Variants in HERC4 observed in about 807,000 individuals in gnomAD.
HERC4 encodes HECT and RLD domain containing E3 ubiquitin protein ligase 4, also known as probable E3 ubiquitin-protein ligase HERC4.
HERC4 carries 28 observed loss-of-function variants against 124.3 expected under a neutral mutation model. The ratio of observed to expected loss-of-function variants is 0.23; its 90% confidence interval spans 0.17 to 0.31. HERC4 has a LOEUF of 0.31. HERC4 is among the 10% of genes least tolerant of loss of function. The pLI is 1.00. For synonymous variants in HERC4, 407 were observed against 421.5 expected (o/e 0.97, Z 0.42); for missense variants, 713 against 1,229.3 (o/e 0.58, Z 6.28).
At chr10:68,044,694 G>A in intron 3 of HERC4, 131 bp from the exon 4 acceptor site, 1 of 760,232 alleles carries the variant, frequency 1.3e-6, no homozygotes, top group Non-Finnish European at 2.1e-6. Flanking sequence ...CTAAAGAAAT[G>A]CTTAAACACA....
At chr10:68,044,148 A>G (rs2039906307) in intron 4 of HERC4, among the ~76,000 whole-genome samples, 1 of 152,098 alleles carries the variant, frequency 6.6e-6, no homozygotes, top group African/African-American at 2.4e-5. Flanking sequence ...TTTGTAATGA[A>G]GCAAGTATTC....
chr10:67,991,529 T>G (rs2036552419), intron 11 of HERC4, among the ~76,000 whole-genome samples: 1 of 152,200 alleles, frequency 6.6e-6, no homozygotes, highest in Non-Finnish European at 1.5e-5. Context: ...TTTAAACATT[T>G]TATATTGGCA....
At position 68,034,062 on chromosome 10, in the gene HERC4, T is replaced by G. The variant is rs35224629; in HGVS notation, c.588A>C (p.Ala196=). ...SLLGIPFMQV[A]AGGAHSFVLT... is the part of the protein sequence containing the mutation. Reference sequence around the variant, plus strand: ...GTACAAAACTATGGGCTCCTCCTGCTGCAACTTGCATGAAAGGGATTCCAA... The same window carrying G: ...GTACAAAACTATGGGCTCCTCCTGCGGCAACTTGCATGAAAGGGATTCCAA... The change falls in exon 6 of 25, where the codon GCA becomes GCC. Residue 196 remains alanine, a synonymous_variant. Transcript: ENST00000373700. 2.5e-3 allele frequency: 4,075 copies of G among 1,614,164 alleles called. 61 individuals carry two copies. The Middle Eastern group carries it at 0.028, about 11-fold the overall frequency.
intron 9 of HERC4, chr10:68,010,764 C>A: frequency 6.7e-7 from 1 of 1,492,518 alleles, no homozygotes; most frequent in Non-Finnish European, 9.2e-7. Flanking sequence ...CCAAATAGAA[C>A]CCCCAGGGTA....
intron 15 of HERC4, among the ~76,000 whole-genome samples, chr10:67,968,846 T>C (rs888395197): frequency 2.6e-5 from 4 of 151,952 alleles, no homozygotes; most frequent in African/African-American, 9.7e-5. Flanking sequence ...TATTTGGAGA[T>C]TTTTAACACT....
chr10:68,070,417 G>A, intron 3 of HERC4: 1 of 248,198 alleles, frequency 4.0e-6, no homozygotes, highest in Non-Finnish European at 6.4e-6. Context: ...GACCAGCCTG[G>A]CCAACATGGT....
chr10:67,993,924 T>G (rs1308793342), intron 9 of HERC4: 1 of 152,226 alleles, frequency 6.6e-6, no homozygotes, highest in African/African-American at 2.4e-5. Context: ...ATGGCTGCTA[T>G]AGAATTATCC....
intron 16 of HERC4, among the ~76,000 whole-genome samples, chr10:67,957,821 T>C (rs1018360586): frequency 8.5e-5 from 13 of 152,166 alleles, no homozygotes; most frequent in Admixed American, 3.9e-4. Flanking sequence ...CATTTTTTTT[T>C]CCCCCATACA....
At chr10:67,932,915 T>C (rs546984230) in intron 22 of HERC4, 135 bp from the exon 23 acceptor site, 471 of 727,888 alleles carry the variant, frequency 6.5e-4, no homozygotes, top group Non-Finnish European at 9.2e-4. Context: ...TGAGTAGCGT[T>C]CAAACAGGAC....
intron 5 of HERC4, among the ~76,000 whole-genome samples, chr10:68,036,317 CAAA>C (rs755357703): frequency 1.5e-5 from 1 of 66,716 alleles, no homozygotes. Flanking sequence ...GACTCCATCT[CAAA>C]AAAAAAAAAA....
At chr10:68,052,536 TA>T (rs548169196) in intron 3 of HERC4, among the ~76,000 whole-genome samples, 1 of 152,040 alleles carries the variant, frequency 6.6e-6, no homozygotes, top group African/African-American at 2.4e-5. Context: ...CAAATATCAT[TA>T]AAAAAAAGAA....
chr10:67,965,387 T>G (rs2034800526), intron 16 of HERC4: 1 of 152,220 alleles, frequency 6.6e-6, no homozygotes, highest in Non-Finnish European at 1.5e-5. Context: ...TTCCAATACC[T>G]AAATCAGTGC....
chr10:68,061,532 C>CAAAAAAAAAAA (rs59169970), intron 3 of HERC4, among the ~76,000 whole-genome samples: 1 of 14,000 alleles, frequency 7.1e-5, no homozygotes, highest in African/African-American at 2.6e-4. Flanking sequence ...GACTCCGTCT[C>CAAAAAAAAAAA]AAAAAAAAAA....
chr10:68,009,997 A>G (rs2037840999), intron 9 of HERC4, among the ~76,000 whole-genome samples: 1 of 152,038 alleles, frequency 6.6e-6, no homozygotes, highest in Admixed American at 6.6e-5. Flanking sequence ...GTGATACATG[A>G]TATGGGGATT....
chr10:67,987,139 T>C lies in HERC4; in HGVS notation c.1806+1524A>G, dbSNP rs141192110. 3.4e-3 allele frequency among the ~76,000 whole-genome samples: 513 copies of C among 152,296 alleles called. 2 individuals carry two copies. Among genetic ancestry groups the C allele is most frequent in the African/African-American group, 0.012 (486 of 41,566 alleles). The stretch of plus-strand genomic sequence containing the variant: ...GATTCTAGTATTTAGAATGAGTCCA[T>C]CAAAAAGGTCTTTGAAGATGAAACT... On this transcript the variant is annotated intron_variant, in intron 15 of 24. Transcript: ENST00000373700.
rs1282780186 is a variant in HERC4, at chr10:67,925,137, A to C, written c.2889T>G (p.Ile963Met). The change falls in exon 24 of 25, where the codon ATT becomes ATG. Residue 963 changes from isoleucine (I) to methionine (M), a missense_variant. Transcript: ENST00000373700. ...GTAATTCGTGAAATACTTCCCAAAA[A>C]ATTTTTATCGTAGGATGTTCTGCCC... Reference protein sequence around the residue: ...EYWAEHPTIKIFWEVFHELPL... With the variant: ...EYWAEHPTIKMFWEVFHELPL... The C allele has an allele frequency of 1.2e-6, 2 of 1,607,262 alleles. No homozygotes were observed. The highest frequency in any genetic ancestry group is 1.7e-4 in the Middle Eastern group (1 of 6,044).
chr10:68,074,733 G>C (rs1393134404), intron 1 of HERC4: 1 of 152,460 alleles, frequency 6.6e-6, no homozygotes, highest in Non-Finnish European at 1.5e-5. Context: ...TTGGCAGTGC[G>C]CGGCCTCAAC....
chr10:68,059,880 T>TATCATAA, intron 3 of HERC4, among the ~76,000 whole-genome samples: 4 of 82,432 alleles, frequency 4.9e-5, no homozygotes, highest in African/African-American at 3.0e-4. Context: ...TATAATAATA[T>TATCATAA]TATATATCAT....
Position 68,040,846 on chromosome 10 carries a change from G to A in HERC4, c.387-2677C>T, listed in dbSNP as rs182501853. Among the ~76,000 whole-genome samples the A allele has an allele frequency of 6.1e-3, 902 of 147,854 alleles. 13 individuals are homozygous for A. Among genetic ancestry groups the A allele is most frequent in the African/African-American group, 0.021 (839 of 39,958 alleles). The stretch of plus-strand genomic sequence containing the variant: ...GGAAGTTGCAGTGAGCCAAGATTGC[G>A]CCACTGCACTCCAGCCTGGGTGACA... On this transcript the variant is annotated intron_variant, in intron 4 of 24. Transcript: ENST00000373700.
Sources: gnomAD v4.1 joint callset for allele counts (sites outside exome capture counted in the v4.1 genomes callset) on GRCh38, gnomAD v4.1.1 for gene constraint, MANE v1.5 for transcripts, NCBI Gene and HGNC (gene_info 2026-07-23, HGNC 2026-07-21) for gene names.